OR2L13: variants seen among roughly 807,000 people sequenced by gnomAD.
The protein encoded by OR2L13 is olfactory receptor family 2 subfamily L member 13, also known as olfactory receptor 2L13.
A neutral mutation model predicts 15.3 loss-of-function variants in OR2L13; 14 were observed. The observed-to-expected ratio is 0.91, with a 90% confidence interval of 0.60 to 1.43. The LOEUF (loss-of-function observed/expected upper bound fraction) is 1.43, where lower values mean the gene tolerates loss of function less well. OR2L13 is among the 40% of genes most tolerant of loss of function. The pLI is 0.00. For synonymous variants in OR2L13, 152 were observed against 142.9 expected (o/e 1.06, Z -0.45); for missense variants, 367 against 387.9 (o/e 0.95, Z 0.45).
At chr1:248,003,526 C>T in the OR2L13 span, 1 of 1,612,390 alleles carries the variant, frequency 6.2e-7, no homozygotes, top group Non-Finnish European at 8.5e-7. Context: ...TCCACTATCT[C>T]ATCCGCATGA....
chr1:248,077,023 C>A, the OR2L13 span, among the ~76,000 whole-genome samples: 1 of 152,122 alleles, frequency 6.6e-6, no homozygotes, highest in Non-Finnish European at 1.5e-5. Flanking sequence ...CCCATCAATA[C>A]CTAGTTTATT....
chr1:248,021,668 A>T, the OR2L13 span, among the ~76,000 whole-genome samples: 15 of 152,228 alleles, frequency 9.9e-5, no homozygotes, highest in African/African-American at 3.6e-4. Context: ...AAAGAAAAAG[A>T]TAGAAACTGC....
At chr1:248,018,970 C>T in the OR2L13 span, among the ~76,000 whole-genome samples, 5 of 152,092 alleles carry the variant, frequency 3.3e-5, no homozygotes, top group African/African-American at 7.2e-5. Flanking sequence ...TAGCATGTGT[C>T]ACAATTTATT....
At chr1:248,022,209 A>G in the OR2L13 span, 1 of 1,613,994 alleles carries the variant, frequency 6.2e-7, no homozygotes, top group African/African-American at 1.3e-5. Context: ...TCTGTATGGA[A>G]ACAAGTCTAT....
At chr1:247,992,933 T>C in the OR2L13 span, among the ~76,000 whole-genome samples, 3 of 152,172 alleles carry the variant, frequency 2.0e-5, no homozygotes, top group South Asian at 2.1e-4. Flanking sequence ...TCTAAGTATT[T>C]TGAGAACTCT....
At chr1:248,014,041 A>G in the OR2L13 span, among the ~76,000 whole-genome samples, 3 of 152,160 alleles carry the variant, frequency 2.0e-5, no homozygotes, top group Non-Finnish European at 2.9e-5. Context: ...TTAAAAACCC[A>G]TATTCACAAT....
At chr1:248,097,583 G>A (rs1346073985) in intron 1 of OR2L13, among the ~76,000 whole-genome samples, 3 of 152,106 alleles carry the variant, frequency 2.0e-5, no homozygotes, top group Non-Finnish European at 4.4e-5. Context: ...CATTATTGTA[G>A]TAACTGCCAT....
chr1:248,012,703 T>C, the OR2L13 span, among the ~76,000 whole-genome samples: 4 of 152,124 alleles, frequency 2.6e-5, no homozygotes, highest in Admixed American at 2.6e-4. Context: ...GCTAGTAATA[T>C]ACACTACCTA....
chr1:247,959,153 C>G, the OR2L13 span, among the ~76,000 whole-genome samples: 7 of 152,050 alleles, frequency 4.6e-5, no homozygotes, highest in African/African-American at 9.7e-5. Flanking sequence ...GACAAAATCT[C>G]TCAGCATTTG....
chr1:247,967,420 G>T, the OR2L13 span, among the ~76,000 whole-genome samples: 1 of 152,110 alleles, frequency 6.6e-6, no homozygotes, highest in African/African-American at 2.4e-5. Flanking sequence ...GTAGAGACTG[G>T]TTTTCACCAT....
chr1:247,944,733 C>A, the OR2L13 span, among the ~76,000 whole-genome samples: 1 of 152,074 alleles, frequency 6.6e-6, no homozygotes, highest in Non-Finnish European at 1.5e-5. Flanking sequence ...GTTGATTCCA[C>A]ATCTTTGCTA....
chr1:248,016,538 T>C, the OR2L13 span, among the ~76,000 whole-genome samples: 4,796 of 152,174 alleles, frequency 0.032, 232 homozygotes, highest in African/African-American at 0.11. Context: ...ATAAAAATCT[T>C]ATTATTTCTC....
chr1:247,964,068 T>C, the OR2L13 span, among the ~76,000 whole-genome samples: 1 of 152,206 alleles, frequency 6.6e-6, no homozygotes, highest in Non-Finnish European at 1.5e-5. Flanking sequence ...AATTACTATC[T>C]TATCTTGTAG....
the OR2L13 span, among the ~76,000 whole-genome samples, chr1:248,074,384 T>TAA: frequency 7.9e-4 from 114 of 144,096 alleles, 1 homozygote; most frequent in South Asian, 0.021. Context: ...TAAAATGTGT[T>TAA]AAAAAAAAAA....
chr1:248,010,463 C>G, the OR2L13 span, among the ~76,000 whole-genome samples: 1 of 152,082 alleles, frequency 6.6e-6, no homozygotes. Context: ...GAGCTGAGCT[C>G]TAGTCCTAAA....
the OR2L13 span, among the ~76,000 whole-genome samples, chr1:248,064,207 C>A: frequency 6.6e-6 from 1 of 152,104 alleles, no homozygotes; most frequent in Admixed American, 6.5e-5. Flanking sequence ...GGAGTTGGGG[C>A]CTTTTGGGAA....
At chr1:247,943,320 G>T in the OR2L13 span, among the ~76,000 whole-genome samples, 834 of 152,084 alleles carry the variant, frequency 5.5e-3, 12 homozygotes, top group African/African-American at 0.019. Flanking sequence ...CTACCTATTT[G>T]TACTATGTTC....
At chr1:247,991,767 G>A in the OR2L13 span, among the ~76,000 whole-genome samples, 1 of 149,576 alleles carries the variant, frequency 6.7e-6, no homozygotes, top group South Asian at 2.1e-4. Flanking sequence ...CAGCTCCTCT[G>A]CTCCACTATT....
At chr1:248,052,624 A>G in the OR2L13 span, among the ~76,000 whole-genome samples, 1 of 152,062 alleles carries the variant, frequency 6.6e-6, no homozygotes, top group Non-Finnish European at 1.5e-5. Context: ...CCAGCTACTC[A>G]GGAGGCTAAG....
Sources: gnomAD v4.1 joint callset for allele counts (sites outside exome capture counted in the v4.1 genomes callset) on GRCh38, gnomAD v4.1.1 for gene constraint, MANE v1.5 for transcripts, NCBI Gene and HGNC (gene_info 2026-07-23, HGNC 2026-07-21) for gene names.